YES1: variants seen among roughly 807,000 people sequenced by gnomAD.
YES1 encodes YES proto-oncogene 1, Src family tyrosine kinase.
A neutral mutation model predicts 70.4 loss-of-function variants in YES1; 39 were observed. The observed-to-expected ratio is 0.55, with a 90% CI of 0.43 to 0.72. The LOEUF (loss-of-function observed/expected upper bound fraction) is 0.72. Ranked by LOEUF, YES1 falls within the 30% of genes least tolerant of loss-of-function variation. The probability of loss-of-function intolerance (pLI) is 0.00; values close to 1 mark genes in which losing one functional copy is unlikely to be tolerated. For missense variants in YES1, 495 were observed against 644.8 expected, an observed-to-expected ratio of 0.77 and a Z score of 2.52; for synonymous variants, 198 against 218.6, an observed-to-expected ratio of 0.91 and a Z score of 0.83.
intron 1 of YES1, among the ~76,000 whole-genome samples, chr18:777,792 G>T (rs1231335716): frequency 1.4e-5 from 2 of 144,554 alleles, no homozygotes; most frequent in African/African-American, 5.2e-5. Context: ...GGACAACAGA[G>T]TGAGACTCTG....
At chr18:768,337 T>G (rs543867735) in intron 1 of YES1, among the ~76,000 whole-genome samples, 1 of 152,362 alleles carries the variant, frequency 6.6e-6, no homozygotes, top group South Asian at 2.1e-4. Flanking sequence ...CTGACTGGGA[T>G]TATTCTTAAT....
intron 1 of YES1, among the ~76,000 whole-genome samples, chr18:783,160 G>A (rs1427146405): frequency 1.3e-5 from 2 of 152,066 alleles, no homozygotes; most frequent in African/African-American, 2.4e-5. Flanking sequence ...CAAGGCAGAG[G>A]ATCACTTGAG....
Position 724,441 on chromosome 18 carries a change from G to A in YES1, c.1615C>T (p.Pro539Ser). The change falls in exon 12 of 12, where the codon CCA becomes TCA. Residue 539 changes from proline (P) to serine (S), a missense_variant. Pro to Ser is a moderately conservative substitution (Grantham distance 74). Transcript: ENST00000314574. Reference protein sequence around the residue: ...YFTATEPQYQPGENL With the variant: ...YFTATEPQYQSGENL ...TACTTGAATTATAAATTTTCTCCTGGCTGGTACTGTGGCTCTGTAGCAGTG... is the reference window on the plus strand; with the variant it reads ...TACTTGAATTATAAATTTTCTCCTGACTGGTACTGTGGCTCTGTAGCAGTG... 6.2e-7 allele frequency: 1 copy of A among 1,613,882 alleles called. No homozygotes were observed.
At chr18:794,542 TC>T (rs1455237676) in intron 1 of YES1, among the ~76,000 whole-genome samples, 1 of 152,166 alleles carries the variant, frequency 6.6e-6, no homozygotes, top group African/African-American at 2.4e-5. Flanking sequence ...CCTTTATTGT[TC>T]CCTCCTAGGG....
chr18:745,647 A>C, intron 6 of YES1, 61 bp downstream of exon 6: 2 of 1,451,842 alleles, frequency 1.4e-6, no homozygotes, highest in Non-Finnish European at 1.9e-6. Context: ...GAGGATATGG[A>C]TTTTGTCCTC....
At chr18:810,983 T>G (rs146809128) in intron 1 of YES1, among the ~76,000 whole-genome samples, 10 of 152,334 alleles carry the variant, frequency 6.6e-5, no homozygotes, top group Non-Finnish European at 1.2e-4. Context: ...ACCATGCACT[T>G]TTCCTTAAAT....
At chr18:776,240 C>A (rs1307580114) in intron 1 of YES1, among the ~76,000 whole-genome samples, 1 of 151,308 alleles carries the variant, frequency 6.6e-6, no homozygotes, top group East Asian at 1.9e-4. Context: ...GTCGCCCAGG[C>A]TGGAGTGCAG....
chr18:743,530 T>A, intron 6 of YES1, 115 bp from the exon 7 acceptor site: 1 of 842,950 alleles, frequency 1.2e-6, no homozygotes, highest in Non-Finnish European at 1.7e-6. Flanking sequence ...TCCTTTCGAG[T>A]TTTACTCTAA....
chr18:785,457 G>A (rs1459530688), intron 1 of YES1, among the ~76,000 whole-genome samples: 1 of 127,328 alleles, frequency 7.9e-6, no homozygotes, highest in African/African-American at 2.6e-5. Context: ...CTTGTTCTAA[G>A]TAGCTTGTTC....
chr18:811,946 G>T (rs918588794), intron 1 of YES1, among the ~76,000 whole-genome samples, 168 bp downstream of exon 1: 2 of 152,170 alleles, frequency 1.3e-5, no homozygotes, highest in Admixed American at 1.3e-4. Flanking sequence ...AGACAAGCCC[G>T]CCGGGCGATC....
chr18:789,861 A>AC (rs1167452410), intron 1 of YES1, among the ~76,000 whole-genome samples: 2 of 151,704 alleles, frequency 1.3e-5, no homozygotes, highest in African/African-American at 4.9e-5. Context: ...GAAGTTTGAG[A>AC]CCAGTCTGAT....
intron 1 of YES1, among the ~76,000 whole-genome samples, chr18:767,519 T>C (rs554888509): frequency 6.6e-6 from 1 of 152,268 alleles, no homozygotes; most frequent in South Asian, 2.1e-4. Flanking sequence ...CCTATCCATT[T>C]CCCACTGAAT....
In YES1 at chr18:747,925, T is replaced by C; in HGVS notation, c.465A>G (p.Ala155=). ...AATATGAAGTAGTGCCATACTCTTC[T>C]GCCTGAATGGAATCTGCAGGCGCTA... ...NYVAPADSIQ[A]EEWYFGKMGR... is the part of the protein sequence containing the mutation. The change falls in exon 4 of 12, where the codon GCA becomes GCG. Residue 155 remains alanine (A), a synonymous_variant. Coordinates refer to ENST00000314574, the MANE Select transcript of YES1 (RefSeq NM_005433.4). 1 of 1,613,132 alleles carries C rather than the reference T, an allele frequency of 6.2e-7. No homozygotes were observed. Among genetic ancestry groups the C allele is most frequent in the Non-Finnish European group, 8.5e-7 (1 of 1,179,654 alleles).
intron 1 of YES1, among the ~76,000 whole-genome samples, chr18:806,786 C>A (rs1045842907): frequency 6.6e-6 from 1 of 152,174 alleles, no homozygotes; most frequent in African/African-American, 2.4e-5. Flanking sequence ...ATGATGTGTA[C>A]TTCTTACTGT....
intron 1 of YES1, among the ~76,000 whole-genome samples, chr18:767,685 A>AAAGCCTCCAGTT (rs1904975597): frequency 1.3e-5 from 2 of 152,074 alleles, no homozygotes; most frequent in African/African-American, 4.8e-5. Context: ...TATATAATAT[A>AAAGCCTCCAGTT]AAGCCTCCAG....
At chr18:790,333 G>A (rs920619968) in intron 1 of YES1, among the ~76,000 whole-genome samples, 4 of 152,214 alleles carry the variant, frequency 2.6e-5, no homozygotes, top group African/African-American at 7.2e-5. Context: ...CCGAGATGGC[G>A]TCACTGAACT....
chr18:803,679 AAAACAGTGATTTTT>A (rs1568221933), intron 1 of YES1, among the ~76,000 whole-genome samples: 6 of 152,152 alleles, frequency 3.9e-5, no homozygotes, highest in Non-Finnish European at 8.8e-5. Flanking sequence ...CAGGGAACTC[AAAACAGTGATTTTT>A]AAATAGTGAG....
chr18:797,330 C>T (rs969042035), intron 1 of YES1, among the ~76,000 whole-genome samples: 10 of 151,928 alleles, frequency 6.6e-5, no homozygotes, highest in Non-Finnish European at 2.9e-5. Context: ...ATCAATCCCC[C>T]TAAAAAAACT....
chr18:732,753 C>G, intron 11 of YES1, 81 bp downstream of exon 11: 2 of 1,579,006 alleles, frequency 1.3e-6, no homozygotes, highest in South Asian at 1.1e-5. Context: ...AAGGCCTTTT[C>G]CCCGCTTACA....
Sources: allele counts gnomAD v4.1 joint callset (sites outside exome capture counted in the v4.1 genomes callset), GRCh38; gene constraint gnomAD v4.1.1; transcripts MANE v1.5; gene names NCBI Gene and HGNC (gene_info 2026-07-23, HGNC 2026-07-21).